C19orf67: variants seen among roughly 807,000 people sequenced by gnomAD.
The protein encoded by C19orf67 is chromosome 19 open reading frame 67, also known as UPF0575 protein C19orf67.
C19orf67 carries 28 observed loss-of-function variants against 41.4 expected under a neutral mutation model. The observed-to-expected ratio is 0.68, with a 90% CI of 0.50 to 0.93. The LOEUF (loss-of-function observed/expected upper bound fraction) is 0.93, where lower values mean the gene tolerates loss of function less well. Ranked by LOEUF, C19orf67 falls within the 40% of genes least tolerant of loss-of-function variation. C19orf67 has a pLI of 0.00. For missense variants in C19orf67, 421 were observed against 467.0 expected (o/e 0.90, Z 0.91); for synonymous variants, 242 against 203.4 (o/e 1.19, Z -1.62).
At position 14,085,420 on chromosome 19, in the gene C19orf67, G is replaced by A. The variant is rs558448205; in HGVS notation, c.208C>T (p.Pro70Ser). Reference protein sequence around the residue: ...EARASTSSPKPLVPRPGPAPP... With the variant: ...EARASTSSPKSLVPRPGPAPP... Reference sequence around the variant, plus strand: ...GCTGGCCCAGGCCGGGGGACCAGAGGTTTGGGGGAAGACGTGGAGGCCCGG... The same window carrying A: ...GCTGGCCCAGGCCGGGGGACCAGAGATTTGGGGGAAGACGTGGAGGCCCGG... The change falls in exon 1 of 6, where the codon CCT becomes TCT. Residue 70 changes from proline to serine, a missense_variant. Physicochemically the swap from Pro to Ser is moderately conservative, Grantham distance 74 (BLOSUM62 -1). Coordinates refer to ENST00000548523, the MANE Select transcript of C19orf67 (RefSeq NM_001277378.2). The A allele has an allele frequency of 1.2e-5, 18 of 1,535,878 alleles. No individual in the cohort carries two copies. The highest frequency in any genetic ancestry group is 3.6e-5 in the South Asian group (3 of 84,068).
At position 14,083,582 on chromosome 19, in the gene C19orf67, C is replaced by A. The variant is rs1029167445; in HGVS notation, c.504G>T (p.Leu168=). Reference sequence around the variant, plus strand: ...GGACCAGCTGTTCCAGGCGCAGGGTCAGCTGTTGGGAGATCTCTAACAGCT... The same window carrying A: ...GGACCAGCTGTTCCAGGCGCAGGGTAAGCTGTTGGGAGATCTCTAACAGCT... ...RKGLLEISQQ[L]TLRLEQLVLM... is the part of the protein sequence containing the mutation. Residue 168 remains leucine, a synonymous_variant, in exon 3 of 6, where the codon CTG becomes CTT. Transcript: ENST00000548523. The A allele has an allele frequency of 1.3e-6, 2 of 1,536,022 alleles. No homozygotes were observed. The highest frequency in any genetic ancestry group is 2.7e-5 in the African/African-American group (2 of 73,124).
Position 14,082,022 on chromosome 19 carries a change from GC to G in C19orf67, c.903-15del, listed in dbSNP as rs1331970169. 3.1e-6 allele frequency: 4 copies of G among 1,309,502 alleles called. No individual in the cohort carries two copies. The Admixed American group carries it at 8.9e-5, about 29-fold the overall frequency. 81.1% of individuals were successfully genotyped at this position (1,309,502 alleles called of 1,614,324 possible). A position where few individuals can be genotyped will look rare whatever the true frequency, so the allele number is the denominator to read the frequency against. On this transcript the variant is annotated splice_polypyrimidine_tract_variant and intron_variant, in intron 5 of 5. Transcript: ENST00000548523. ...GGGCACAAAATCCTGGGGTGGGGGG[GC>G]CAGGGATAGACAGGCCTGGACTTGA...
chr19:14,084,722 C>T (rs1481970939), intron 1 of C19orf67, among the ~76,000 whole-genome samples: 2 of 150,568 alleles, frequency 1.3e-5, no homozygotes, highest in Non-Finnish European at 3.0e-5. Context: ...CCTGTAATCC[C>T]AGCTACTCGG....
At chr19:14,084,731 G>A (rs1408288692) in intron 1 of C19orf67, among the ~76,000 whole-genome samples, 5 of 150,298 alleles carry the variant, frequency 3.3e-5, no homozygotes, top group Admixed American at 6.7e-5. Context: ...CCAGCTACTC[G>A]GGAGGCTGAG....
In C19orf67 at chr19:14,085,388, GGGA is replaced by G. The variant is rs1420077074; in HGVS notation, c.237_239del (p.Pro80del). ...TGAACAAAGTGTCCAGGGATAGGCG[GGGA>G]GGTGCTGGCCCAGGCCGGGGGACCA... is the stretch of plus-strand genomic sequence containing the variant. On this transcript the variant is annotated inframe_deletion, in exon 1 of 6. Transcript: ENST00000548523. 2 of 1,536,184 alleles carry G rather than the reference GGGA, an allele frequency of 1.3e-6. No homozygotes were observed. Among genetic ancestry groups the G allele is most frequent in the South Asian group, 2.4e-5 (2 of 84,068 alleles).
At position 14,085,556 on chromosome 19, in the gene C19orf67, C is replaced by T; in HGVS notation, c.72G>A (p.Leu24=). The change falls in exon 1 of 6, where the codon TTG becomes TTA. Residue 24 remains leucine, a synonymous_variant. Coordinates refer to ENST00000548523, the MANE Select transcript of C19orf67 (RefSeq NM_001277378.2). ...CTCCGCAGGGCGGCGTCCCAGGTTC[C>T]AAGGCGTCTGGAGGCGGTGTTTCTC... is the stretch of plus-strand genomic sequence containing the variant. ...DPGETPPPDA[L]EPGTPPCGDP... is the part of the protein sequence containing the mutation. 6.5e-7 allele frequency: 1 copy of T among 1,535,324 alleles called. No homozygotes were observed. The highest frequency in any genetic ancestry group is 2.4e-5 in the East Asian group (1 of 40,892).
chr19:14,083,446 G>T, intron 3 of C19orf67, 24 bp from the exon 4 acceptor site: 1 of 1,530,940 alleles, frequency 6.5e-7, no homozygotes, highest in South Asian at 1.2e-5. Context: ...AGAGAATGGA[G>T]GGGTGAGGCT....
Position 14,082,591 on chromosome 19 carries a change from G to C in C19orf67, c.780C>G (p.Cys260Trp), listed in dbSNP as rs575792800. 3 of 1,536,208 alleles carry C rather than the reference G, an allele frequency of 2.0e-6. No homozygotes were observed. In the East Asian group the frequency reaches 7.3e-5, roughly 38 times the overall value. ...CTGTGTCTTCCCAAGTATCTCGATA[G>C]CACAGAAAGTAGCTAGGAGGGGAGG... is the stretch of plus-strand genomic sequence containing the variant. ...QDSLVDYYFL[C>W]YRDTWEDTGQ... The change falls in exon 5 of 6, where the codon TGC (cysteine) becomes TGG (tryptophan). Residue 260 changes from cysteine to tryptophan, a missense_variant. This residue lies in a region of C19orf67 where 253 missense variants were observed against 307.0 expected (regional missense o/e 0.82). Transcript: ENST00000548523.
In C19orf67 at chr19:14,083,832, G is replaced by A; in HGVS notation, c.381C>T (p.Thr127=). Residue 127 remains threonine, a synonymous_variant, in exon 2 of 6, where the codon ACC becomes ACT. Coordinates refer to ENST00000548523, the MANE Select transcript of C19orf67 (RefSeq NM_001277378.2). ...AGTAGGGCTCACACATCTGTAAGAA[G>A]GTGGGCATGGCCTTGGCCAGCTGCT... The part of the protein sequence containing the change: ...QKEQLAKAMP[T]FLQMCEPYFL... The A allele has an allele frequency of 7.1e-7, 1 of 1,401,908 alleles. No individual in the cohort carries two copies. The highest frequency in any genetic ancestry group is 2.5e-5 in the East Asian group (1 of 39,336). 86.8% of individuals were successfully genotyped at this position (1,401,908 alleles called of 1,614,324 possible). A position where few individuals can be genotyped will look rare whatever the true frequency, so the allele number is the denominator to read the frequency against.
intron 1 of C19orf67, among the ~76,000 whole-genome samples, chr19:14,084,506 C>A (rs902980143): frequency 8.0e-5 from 12 of 150,652 alleles, no homozygotes; most frequent in African/African-American, 2.4e-4. Flanking sequence ...GACTCCATTT[C>A]AAAAAAACAC....
chr19:14,082,458 C>G lies in C19orf67; in HGVS notation c.902+11G>C, dbSNP rs1185721971. On this transcript the variant is annotated intron_variant, in intron 5 of 5. Transcript: ENST00000548523. Reference sequence around the variant, plus strand: ...CTCCCAGGCCCACGTTGCTATTGCCCTAGCTCCTACCATGAATAAAGGTCA... The same window carrying G: ...CTCCCAGGCCCACGTTGCTATTGCCGTAGCTCCTACCATGAATAAAGGTCA... 2 of 1,529,896 alleles carry G rather than the reference C, an allele frequency of 1.3e-6. No individual in the cohort carries two copies. Among genetic ancestry groups the G allele is most frequent in the Non-Finnish European group, 1.7e-6 (2 of 1,143,198 alleles). The allele number at this position is 1,529,896 out of a possible 1,614,324, so 94.8% of individuals were successfully genotyped here.
At position 14,085,502 on chromosome 19, in the gene C19orf67, C is replaced by T. The variant is rs1281589150; in HGVS notation, c.126G>A (p.Arg42=). 4 of 1,535,428 alleles carry T rather than the reference C, an allele frequency of 2.6e-6. No homozygotes were observed. In the South Asian group the frequency reaches 4.8e-5, roughly 18 times the overall value. Residue 42 remains arginine (R), a synonymous_variant, in exon 1 of 6, where the codon AGG becomes AGA. Coordinates refer to ENST00000548523, the MANE Select transcript of C19orf67 (RefSeq NM_001277378.2). ...GATCCGGCTCAGATGGGTTCCCAGGCCTGCCAGGGGGCGTCGACCTGGAGG... is the reference window on the plus strand; with the variant it reads ...GATCCGGCTCAGATGGGTTCCCAGGTCTGCCAGGGGGCGTCGACCTGGAGG... The part of the protein sequence containing the change: ...GDPSRSTPPG[R]PGNPSEPDPE...
chr19:14,082,482 C>T lies in C19orf67; in HGVS notation c.889G>A (p.Asp297Asn). The change falls in exon 5 of 6, where the codon GAC becomes AAC. Residue 297 changes from aspartate to asparagine, a missense_variant. Transcript: ENST00000548523. ...RWVPLGPAED[D>N]LYSWILCPQP... Reference sequence around the variant, plus strand: ...CCTAGCTCCTACCATGAATAAAGGTCATCCTCGGCTGGTCCTAGGGGCACC... The same window carrying T: ...CCTAGCTCCTACCATGAATAAAGGTTATCCTCGGCTGGTCCTAGGGGCACC... 1.3e-6 allele frequency: 2 copies of T among 1,534,956 alleles called. No homozygotes were observed. The highest frequency in any genetic ancestry group is 1.7e-6 in the Non-Finnish European group (2 of 1,146,224).
At chr19:14,082,646 A>G in intron 4 of C19orf67, 43 bp from the exon 5 acceptor site, 1 of 1,515,644 alleles carries the variant, frequency 6.6e-7, no homozygotes. Flanking sequence ...TCAGCTTCCT[A>G]GCTACTTCTG....
chr19:14,085,765 G>C lies in C19orf67; in HGVS notation c.-138C>G, dbSNP rs1288078613. ...CCACCGGAGCCGCGCCGCCGCGCCG[G>C]GGGCCGTTCGCCTCTTTTGAATTTC... On this transcript the variant is annotated 5_prime_UTR_variant, in exon 1 of 6. Coordinates refer to ENST00000548523, the MANE Select transcript of C19orf67 (RefSeq NM_001277378.2). 1 of 643,504 alleles carries C rather than the reference G, an allele frequency of 1.6e-6. No homozygotes were observed. The highest frequency in any genetic ancestry group is 1.8e-5 in the African/African-American group (1 of 54,328). 39.9% of individuals were successfully genotyped at this position (643,504 alleles called of 1,614,324 possible).
chr19:14,082,460 A>C lies in C19orf67; in HGVS notation c.902+9T>G, dbSNP rs538701099. ...CCCAGGCCCACGTTGCTATTGCCCT[A>C]GCTCCTACCATGAATAAAGGTCATC... On this transcript the variant is annotated intron_variant, in intron 5 of 5. Coordinates refer to ENST00000548523, the MANE Select transcript of C19orf67 (RefSeq NM_001277378.2). 3 of 1,530,692 alleles carry C rather than the reference A, an allele frequency of 2.0e-6. No individual in the cohort carries two copies. The highest frequency in any genetic ancestry group is 2.6e-6 in the Non-Finnish European group (3 of 1,143,706). 94.8% of individuals were successfully genotyped at this position (1,530,692 alleles called of 1,614,324 possible). A position where few individuals can be genotyped will look rare whatever the true frequency, so the allele number is the denominator to read the frequency against.
In C19orf67 at chr19:14,085,324, C is replaced by A; in HGVS notation, c.304G>T (p.Ala102Ser). 6.5e-7 allele frequency: 1 copy of A among 1,536,218 alleles called. No homozygotes were observed. Among genetic ancestry groups the A allele is most frequent in the South Asian group, 1.2e-5 (1 of 84,062 alleles). The stretch of plus-strand genomic sequence containing the variant: ...AGCAAGTAGCTCTGGAAATCATCTG[C>A]CTTCTTCAGTAGGTAGCGCAGCTGT... ...TQQLRYLLKK[A>S]DDFQSYLLYS... The change falls in exon 1 of 6, where the codon GCA (alanine) becomes TCA (serine). Residue 102 changes from alanine to serine, a missense_variant. Transcript: ENST00000548523.
intron 1 of C19orf67, 22 bp downstream of exon 1, chr19:14,085,271 C>CT: frequency 6.5e-7 from 1 of 1,532,908 alleles, no homozygotes. Flanking sequence ...CCATGGGGAC[C>CT]TGGGACCCTG....
At position 14,083,136 on chromosome 19, in the gene C19orf67, G is replaced by A. The variant is rs905984085; in HGVS notation, c.767+101C>T. On this transcript the variant is annotated intron_variant, in intron 4 of 5. Coordinates refer to ENST00000548523, the MANE Select transcript of C19orf67 (RefSeq NM_001277378.2). ...GATTACAGGCGTGAGCCACTGCCTCGGGCCCTGGCTCACTTTTCACTTTGC... is the reference window on the plus strand; with the variant it reads ...GATTACAGGCGTGAGCCACTGCCTCAGGCCCTGGCTCACTTTTCACTTTGC... 172 of 1,041,716 alleles carry A rather than the reference G, an allele frequency of 1.7e-4. No individual in the cohort carries two copies. In the African/African-American group the frequency reaches 2.4e-3, roughly 14 times the overall value. 64.5% of individuals were successfully genotyped at this position (1,041,716 alleles called of 1,614,324 possible).
Sources: allele counts gnomAD v4.1 joint callset (sites outside exome capture counted in the v4.1 genomes callset), GRCh38; gene constraint gnomAD v4.1.1; regional missense constraint gnomAD v4.1.1; transcripts MANE v1.5; gene names NCBI Gene and HGNC (gene_info 2026-07-23, HGNC 2026-07-21).